The following RYR2 variants were observed in gnomAD, a reference collection of about 807,000 sequenced individuals.
The protein encoded by RYR2 is ryanodine receptor 2, also known as cardiac muscle ryanodine receptor-calcium release channel.
Under a neutral mutation model 601.1 loss-of-function variants are expected in RYR2, and 227 were observed. The observed-to-expected ratio is 0.38, with a 90% CI of 0.34 to 0.42. The LOEUF is 0.42. RYR2 is among the 10% of genes least tolerant of loss of function. RYR2 has a pLI of 1.00. For synonymous variants in RYR2, 2,223 were observed against 2,175.1 expected, an observed-to-expected ratio of 1.02 and a Z score of -0.61; for missense variants, 4,646 against 6,156.5, an observed-to-expected ratio of 0.75 and a Z score of 8.21.
chr1:237,103,590 C>T (rs1245893410), intron 1 of RYR2, among the ~76,000 whole-genome samples: 1 of 152,110 alleles, frequency 6.6e-6, no homozygotes, highest in African/African-American at 2.4e-5. Context: ...TTTTTTGAGA[C>T]AGAATTTCAC....
intron 47 of RYR2, among the ~76,000 whole-genome samples, chr1:237,642,760 C>T (rs1278825344): frequency 1.3e-5 from 2 of 152,144 alleles, no homozygotes; most frequent in African/African-American, 4.8e-5. Flanking sequence ...CCACAGTCAT[C>T]CTGGATACTT....
intron 5 of RYR2, among the ~76,000 whole-genome samples, chr1:237,365,522 GA>G (rs548487249): frequency 1.0e-3 from 159 of 152,242 alleles, no homozygotes; most frequent in African/African-American, 3.7e-3. Context: ...TTTTTCAGTA[GA>G]AAATATTATG....
At chr1:237,380,391 T>A (rs371242930) in intron 8 of RYR2, among the ~76,000 whole-genome samples, 1 of 63,416 alleles carries the variant, frequency 1.6e-5, no homozygotes, top group Non-Finnish European at 3.2e-5. Context: ...TATATATATA[T>A]ATATATATAT....
rs1439214649 is a variant in RYR2 at position 237,759,830 on chromosome 1, G to A, written c.11380G>A (p.Ala3794Thr). Residue 3794 changes from alanine to threonine, a missense_variant, in exon 83 of 105, where the codon GCC (alanine) becomes ACC (threonine). By Grantham distance (58) the Ala-to-Thr change is moderately conservative. This residue lies in a region of RYR2 where 1,497 missense variants were observed against 1,842.6 expected (regional missense o/e 0.81). Coordinates refer to ENST00000366574, the MANE Select transcript of RYR2 (RefSeq NM_001035.3). Reference sequence around the variant, plus strand: ...GGATGTGGGCTTCTTTCAGAGCCTGGCCGGCCTGATGCAGTCATGTAGGTA... The same window carrying A: ...GGATGTGGGCTTCTTTCAGAGCCTGACCGGCCTGATGCAGTCATGTAGGTA... ...KKDVGFFQSLAGLMQSCSVLD... is the reference protein window; with the variant it reads ...KKDVGFFQSLTGLMQSCSVLD... 3 of 1,612,494 alleles carry A rather than the reference G, an allele frequency of 1.9e-6. No individual in the cohort carries two copies. The highest frequency in any genetic ancestry group is 2.2e-5 in the East Asian group (1 of 44,836).
chr1:237,478,066 T>C lies in RYR2; in HGVS notation c.1708+8879T>C, dbSNP rs147130626. 7.2e-5 allele frequency among the ~76,000 whole-genome samples: 11 copies of C among 152,234 alleles called. No individual in the cohort carries two copies. The East Asian group carries it at 2.1e-3, about 29-fold the overall frequency. Reference sequence around the variant, plus strand: ...GTGTAGTCAGCCCATTAGGATACAATGTCCTAATTGTGGGCAATAGGGCCT... The same window carrying C: ...GTGTAGTCAGCCCATTAGGATACAACGTCCTAATTGTGGGCAATAGGGCCT... On this transcript the variant is annotated intron_variant, in intron 17 of 104. Transcript: ENST00000366574.
rs770274059 is a variant in RYR2 at position 237,702,024 on chromosome 1, T to C, written c.9414T>C (p.Tyr3138=). ...GTTATAGAATTCTGACTAGCTTATA[T>C]GCTTTGGGAACCAGCAAGAGTATTT... ...VSCYRILTSL[Y]ALGTSKSIYV... The change falls in exon 66 of 105, where the codon TAT becomes TAC. Residue 3138 remains tyrosine, a synonymous_variant. Transcript: ENST00000366574. 15 of 1,608,466 alleles carry C rather than the reference T, an allele frequency of 9.3e-6. No individual in the cohort carries two copies. Among genetic ancestry groups the C allele is most frequent in the African/African-American group, 6.7e-5 (5 of 74,938 alleles).
At chr1:237,441,890 G>A (rs188277481) in intron 13 of RYR2, among the ~76,000 whole-genome samples, 2 of 93,482 alleles carry the variant, frequency 2.1e-5, no homozygotes, top group Non-Finnish European at 1.9e-5. Context: ...AGGAGGGGGC[G>A]GGGTCAGAAA....
chr1:237,380,872 A>G (rs9661385), intron 8 of RYR2, among the ~76,000 whole-genome samples: 150,790 of 152,108 alleles, frequency 0.99, 74,746 homozygotes, highest in East Asian at 1. Context: ...GAGGTCAGGA[A>G]TTCAGGACCA....
At chr1:237,081,687 G>A (rs903444544) in intron 1 of RYR2, among the ~76,000 whole-genome samples, 3 of 151,884 alleles carry the variant, frequency 2.0e-5, no homozygotes, top group African/African-American at 4.8e-5. Flanking sequence ...CATCCAGCTG[G>A]AAAGATGGTT....
chr1:237,828,888 G>C (rs1663455097), intron 102 of RYR2, among the ~76,000 whole-genome samples: 1 of 152,140 alleles, frequency 6.6e-6, no homozygotes, highest in African/African-American at 2.4e-5. Context: ...GGAAGTCTGT[G>C]GGTTTGATAA....
intron 58 of RYR2, among the ~76,000 whole-genome samples, chr1:237,671,875 A>G (rs557998907): frequency 2.2e-4 from 33 of 152,252 alleles, no homozygotes; most frequent in African/African-American, 7.7e-4. Context: ...CACTTCAAGT[A>G]TTTTGTACCA....
chr1:237,509,013 A>G (rs937824469), intron 23 of RYR2, among the ~76,000 whole-genome samples: 33 of 152,006 alleles, frequency 2.2e-4, no homozygotes, highest in Non-Finnish European at 4.0e-4. Context: ...AAGTGCTGGG[A>G]TTACAGGCGT....
At chr1:237,081,375 G>T (rs1341961733) in intron 1 of RYR2, among the ~76,000 whole-genome samples, 1 of 150,180 alleles carries the variant, frequency 6.7e-6, no homozygotes, top group Non-Finnish European at 1.5e-5. Flanking sequence ...CCACAGGTTT[G>T]TGCCCCTCAG....
chr1:237,264,623 A>G (rs544818239), intron 1 of RYR2, among the ~76,000 whole-genome samples: 1 of 152,130 alleles, frequency 6.6e-6, no homozygotes, highest in East Asian at 1.9e-4. Flanking sequence ...CCTTTTATAT[A>G]CCTGACATTA....
intron 98 of RYR2, 41 bp from the exon 99 acceptor site, chr1:237,806,096 T>C (rs1338938540): frequency 4.4e-6 from 7 of 1,589,710 alleles, no homozygotes; most frequent in Non-Finnish European, 6.0e-6. Flanking sequence ...TCATGCGTTC[T>C]GTTTTCTGAC....
chr1:237,632,525 G>A (rs1213379565), intron 42 of RYR2, among the ~76,000 whole-genome samples: 1 of 151,812 alleles, frequency 6.6e-6, no homozygotes, highest in Non-Finnish European at 1.5e-5. Context: ...CTGCCGAGTG[G>A]CTGGGACTAC....
At chr1:237,781,396 T>C (rs1164058911) in intron 88 of RYR2, among the ~76,000 whole-genome samples, 169 bp from the exon 89 acceptor site, 1 of 152,240 alleles carries the variant, frequency 6.6e-6, no homozygotes, top group African/African-American at 2.4e-5. Context: ...GTAATACTTT[T>C]TAATTGTAAA....
intron 74 of RYR2, 115 bp downstream of exon 74, chr1:237,723,377 T>C: frequency 1.4e-6 from 1 of 700,770 alleles, no homozygotes; most frequent in Non-Finnish European, 2.3e-6. Flanking sequence ...GTTCAGCATA[T>C]TCATTCTAAA....
At position 237,499,003 on chromosome 1, in the gene RYR2, G is replaced by C. The variant is rs75473668; in HGVS notation, c.2204-1708G>C. On this transcript the variant is annotated intron_variant, in intron 20 of 104. Coordinates refer to ENST00000366574, the MANE Select transcript of RYR2 (RefSeq NM_001035.3). ...AATTAATGAAGACAAATCTAAATTA[G>C]TTGGAATGTGAGTTATGAAGCTCGA... Among the ~76,000 whole-genome samples the C allele has an allele frequency of 1.3e-3, 200 of 152,120 alleles. 4 individuals are homozygous for C. In the East Asian group the frequency reaches 0.034, roughly 26 times the overall value.
Sources: gnomAD v4.1 joint callset for allele counts (sites outside exome capture counted in the v4.1 genomes callset) on GRCh38, gnomAD v4.1.1 for gene constraint, gnomAD v4.1.1 regional missense constraint, MANE v1.5 for transcripts, NCBI Gene and HGNC (gene_info 2026-07-23, HGNC 2026-07-21) for gene names.